Variants in PTPRD observed in about 807,000 individuals in gnomAD.
PTPRD encodes the protein receptor-type tyrosine-protein phosphatase delta.
In PTPRD, 34 loss-of-function variants were observed where a neutral mutation model predicts 214.5. The ratio of observed to expected loss-of-function variants is 0.16; its 90% CI spans 0.12 to 0.21. The LOEUF (loss-of-function observed/expected upper bound fraction) is 0.21, where lower values mean the gene tolerates loss of function less well. Ranked by LOEUF, PTPRD falls within the 10% of genes least tolerant of loss-of-function variation. The pLI is 1.00. For missense variants in PTPRD, 2,545 were observed against 2,398.7 expected (o/e 1.06, Z -1.27); for synonymous variants, 1,128 against 845.7 (o/e 1.33, Z -5.79).
chr9:8,639,612 A>T (rs1397855417), intron 12 of PTPRD, among the ~76,000 whole-genome samples: 1 of 152,198 alleles, frequency 6.6e-6, no homozygotes. Flanking sequence ...CTGCATCTGG[A>T]TATTTTTTAA....
intron 3 of PTPRD, among the ~76,000 whole-genome samples, chr9:10,060,803 C>CCTTTCTTTCTTTCTTT (rs796867777): frequency 1.9e-5 from 2 of 103,256 alleles, no homozygotes; most frequent in South Asian, 2.7e-4. Flanking sequence ...TTTCTTTCTT[C>CCTTTCTTTCTTTCTTT]CTTTCTTTCT....
At chr9:8,761,524 A>G (rs1231347358) in intron 11 of PTPRD, among the ~76,000 whole-genome samples, 2 of 152,152 alleles carry the variant, frequency 1.3e-5, no homozygotes, top group Non-Finnish European at 2.9e-5. Flanking sequence ...ATGCTTTTTC[A>G]TGAGATTTTA....
At chr9:9,864,210 G>A (rs1245865091) in intron 5 of PTPRD, among the ~76,000 whole-genome samples, 1 of 152,160 alleles carries the variant, frequency 6.6e-6, no homozygotes, top group African/African-American at 2.4e-5. Context: ...GGAAGCTGAG[G>A]CAGAAGAATC....
intron 9 of PTPRD, among the ~76,000 whole-genome samples, chr9:9,328,279 T>A (rs1360288811): frequency 6.6e-6 from 1 of 152,164 alleles, no homozygotes; most frequent in Non-Finnish European, 1.5e-5. Flanking sequence ...AATAGTGGCA[T>A]GTAGGACCAT....
chr9:9,988,012 G>C (rs1485628352), intron 4 of PTPRD, among the ~76,000 whole-genome samples: 2 of 152,114 alleles, frequency 1.3e-5, no homozygotes, highest in Non-Finnish European at 1.5e-5. Context: ...TCTTCTAAGA[G>C]ATATCAATAA....
At chr9:10,049,477 C>A (rs1457071500) in intron 3 of PTPRD, among the ~76,000 whole-genome samples, 7 of 148,936 alleles carry the variant, frequency 4.7e-5, no homozygotes, top group African/African-American at 7.4e-5. Flanking sequence ...GTAGAACACA[C>A]TTTGCCATCT....
chr9:9,424,278 C>A (rs1294611654), intron 8 of PTPRD, among the ~76,000 whole-genome samples: 7 of 152,184 alleles, frequency 4.6e-5, no homozygotes, highest in African/African-American at 1.7e-4. Context: ...GGGCACTCCC[C>A]AAATTCTTAT....
chr9:9,721,220 C>G (rs370673839), intron 7 of PTPRD, among the ~76,000 whole-genome samples: 2 of 152,112 alleles, frequency 1.3e-5, no homozygotes, highest in Non-Finnish European at 2.9e-5. Context: ...CATGGAATAT[C>G]TTCAAGACAT....
At chr9:9,084,870 T>C (rs929642940) in intron 10 of PTPRD, among the ~76,000 whole-genome samples, 1 of 152,198 alleles carries the variant, frequency 6.6e-6, no homozygotes, top group Admixed American at 6.5e-5. Context: ...TTTTATTTTC[T>C]CTAATGTTTA....
chr9:8,416,480 C>A (rs929864172), intron 35 of PTPRD, among the ~76,000 whole-genome samples: 7 of 152,094 alleles, frequency 4.6e-5, no homozygotes, highest in African/African-American at 1.7e-4. Context: ...AAGAGAGTTG[C>A]AGAATACTTT....
At chr9:9,558,674 A>T (rs2154290315) in intron 8 of PTPRD, among the ~76,000 whole-genome samples, 1 of 152,290 alleles carries the variant, frequency 6.6e-6, no homozygotes, top group East Asian at 1.9e-4. Context: ...GGTGATTACC[A>T]TTCACACTGC....
intron 21 of PTPRD, among the ~76,000 whole-genome samples, chr9:8,510,201 A>G (rs2097649140): frequency 6.6e-6 from 1 of 152,092 alleles, no homozygotes; most frequent in Admixed American, 6.5e-5. Context: ...CTGAGGTGAG[A>G]GGATCACTTG....
intron 6 of PTPRD, among the ~76,000 whole-genome samples, chr9:9,741,132 G>C (rs149708745): frequency 6.2e-4 from 95 of 152,300 alleles, no homozygotes; most frequent in African/African-American, 2.2e-3. Context: ...GGAATATAAA[G>C]TAAAATGTAA....
At chr9:8,459,248 G>C (rs1018671353) in intron 33 of PTPRD, among the ~76,000 whole-genome samples, 2 of 152,150 alleles carry the variant, frequency 1.3e-5, no homozygotes, top group Admixed American at 6.6e-5. Flanking sequence ...ATGTAAGCAA[G>C]AATCAAAATG....
chr9:8,823,081 T>C (rs74940289), intron 11 of PTPRD, among the ~76,000 whole-genome samples: 3,140 of 152,260 alleles, frequency 0.021, 49 homozygotes, highest in Non-Finnish European at 0.032. Context: ...TCCATTTTAC[T>C]CAACAGCCCA....
chr9:8,543,857 G>A (rs1426180454), intron 14 of PTPRD, among the ~76,000 whole-genome samples: 3 of 151,646 alleles, frequency 2.0e-5, no homozygotes, highest in South Asian at 4.2e-4. Flanking sequence ...GACTACAGCT[G>A]CGTGCCACAA....
At chr9:8,526,237 T>C (rs1350618954) in intron 17 of PTPRD, among the ~76,000 whole-genome samples, 1 of 149,012 alleles carries the variant, frequency 6.7e-6, no homozygotes, top group Non-Finnish European at 1.5e-5. Context: ...ATCTTTTTTT[T>C]TCTCCGGTTG....
intron 39 of PTPRD, among the ~76,000 whole-genome samples, chr9:8,354,121 CTTAT>C (rs934726741): frequency 2.7e-5 from 4 of 150,940 alleles, no homozygotes; most frequent in Admixed American, 6.6e-5. Flanking sequence ...TTTTTAATAC[CTTAT>C]TTATATTTAT....
At chr9:10,113,240 T>C (rs1478352550) in intron 3 of PTPRD, among the ~76,000 whole-genome samples, 3 of 152,222 alleles carry the variant, frequency 2.0e-5, no homozygotes, top group African/African-American at 7.2e-5. Context: ...AAAAAATTTA[T>C]TTGTTCTTCA....
Sources: allele counts gnomAD v4.1 joint callset (sites outside exome capture counted in the v4.1 genomes callset), GRCh38; gene constraint gnomAD v4.1.1; transcripts MANE v1.5; gene names NCBI Gene and HGNC (gene_info 2026-07-23, HGNC 2026-07-21).